LRRC49: variants seen among roughly 807,000 people sequenced by gnomAD.
LRRC49 encodes leucine-rich repeat-containing protein 49.
Under a neutral mutation model 83.3 loss-of-function variants are expected in LRRC49, and 50 were observed. The observed-to-expected ratio is 0.60, with a 90% CI of 0.48 to 0.76. The LOEUF (loss-of-function observed/expected upper bound fraction) is 0.76, where lower values mean the gene tolerates loss of function less well. Ranked by LOEUF, LRRC49 falls within the 30% of genes least tolerant of loss-of-function variation. The pLI, the probability that LRRC49 is intolerant of heterozygous loss-of-function variation, is 0.00. For synonymous variants in LRRC49, 286 were observed against 283.3 expected (o/e 1.01, Z -0.10); for missense variants, 704 against 809.1 (o/e 0.87, Z 1.58).
chr15:70,892,744 G>C (rs2033635955), upstream of LRRC49: 1 of 1,533,242 alleles, frequency 6.5e-7, no homozygotes, highest in Admixed American at 2.0e-5. Context: ...TGGCTCTATC[G>C]ATTCGGGAGA....
At chr15:71,001,547 G>T (rs888700185) in intron 11 of LRRC49, among the ~76,000 whole-genome samples, 1 of 152,040 alleles carries the variant, frequency 6.6e-6, no homozygotes, top group Non-Finnish European at 1.5e-5. Context: ...CTAGCTTCCA[G>T]AAATTTTCTG....
At chr15:70,899,834 ATTATAC>A (rs1174444230) in intron 3 of LRRC49, among the ~76,000 whole-genome samples, 1 of 152,146 alleles carries the variant, frequency 6.6e-6, no homozygotes, top group Non-Finnish European at 1.5e-5. Flanking sequence ...CTGTTTTACT[ATTATAC>A]TTAGTGCTCC....
intron 2 of LRRC49, among the ~76,000 whole-genome samples, chr15:70,886,793 G>A (rs1812420): frequency 0.011 from 1,602 of 152,188 alleles, 10 homozygotes; most frequent in Non-Finnish European, 0.017. Context: ...TTGAACCCGG[G>A]TGGCAGAGGT....
In LRRC49 at chr15:71,027,319, A is replaced by G. The variant is rs555538055; in HGVS notation, c.1704-9860A>G. On this transcript the variant is annotated intron_variant, in intron 14 of 15. Transcript: ENST00000260382. ...TGGTCTATATGTCTGTTTTGGTACC[A>G]GTACCATGTTGTTTTGGTTACTGTA... 2.6e-5 allele frequency among the ~76,000 whole-genome samples: 4 copies of G among 152,308 alleles called. No individual in the cohort carries two copies. The East Asian group carries it at 7.7e-4, about 29-fold the overall frequency.
At position 70,892,931 on chromosome 15, in the gene LRRC49, G is replaced by A. The variant is rs754742115; in HGVS notation, c.37G>A (p.Ala13Thr). 8.1e-6 allele frequency: 13 copies of A among 1,614,096 alleles called. 1 individual carries two copies. The highest frequency in any genetic ancestry group is 1.1e-5 in the Non-Finnish European group (13 of 1,180,050). ...PGKYRSVSGR[A>T]ANNVNCGLHL... ...GAAATATCGCTCTGTTTCTGGCCGG[G>A]CTGCGAACAACGTAAGTTGGGCCTT... The change falls in exon 1 of 16, where the codon GCT becomes ACT. Residue 13 changes from alanine to threonine, a missense_variant. Around this residue, in one of 3 missense-constraint regions of LRRC49, gnomAD observed 261 missense variants for 330.5 expected, o/e 0.79. Transcript: ENST00000260382.
At chr15:70,895,792 C>A in intron 2 of LRRC49, 57 bp from the exon 3 acceptor site, 1 of 1,013,160 alleles carries the variant, frequency 9.9e-7, no homozygotes. Flanking sequence ...AATTTATCTT[C>A]ACTGCTTGGT....
upstream of LRRC49, chr15:70,892,385 G>A (rs1244218148): frequency 6.5e-7 from 1 of 1,544,992 alleles, no homozygotes; most frequent in South Asian, 1.2e-5. Context: ...GTCCACTCCG[G>A]GTCGGGATTG....
At chr15:70,938,777 G>C (rs1045189268) in intron 8 of LRRC49, among the ~76,000 whole-genome samples, 1 of 152,114 alleles carries the variant, frequency 6.6e-6, no homozygotes, top group African/African-American at 2.4e-5. Flanking sequence ...CTCTAATTCA[G>C]TAGTTTTAGG....
exon 1 of LRRC49, chr15:70,853,411 C>G (rs1441593118): frequency 6.5e-6 from 1 of 152,938 alleles, no homozygotes; most frequent in African/African-American, 2.4e-5. Context: ...CTGCTACCAC[C>G]TAAAGACTGA....
chr15:70,960,746 A>G (rs1301003574), intron 8 of LRRC49, among the ~76,000 whole-genome samples: 2 of 152,092 alleles, frequency 1.3e-5, no homozygotes, highest in African/African-American at 4.8e-5. Context: ...AAAAAGGAAT[A>G]TAGACATGGG....
intron 10 of LRRC49, among the ~76,000 whole-genome samples, chr15:70,982,584 C>A (rs145282666): frequency 1.3e-5 from 2 of 152,004 alleles, no homozygotes; most frequent in Admixed American, 1.3e-4. Flanking sequence ...TTTTGAAACA[C>A]CAAACAACAG....
At chr15:70,901,969 A>C (rs2034099611) in intron 4 of LRRC49, among the ~76,000 whole-genome samples, 1 of 152,184 alleles carries the variant, frequency 6.6e-6, no homozygotes, top group Non-Finnish European at 1.5e-5. Flanking sequence ...GCATACCTTT[A>C]GCTTAGCAGT....
At chr15:71,020,664 A>T (rs1385218937) in intron 14 of LRRC49, among the ~76,000 whole-genome samples, 1 of 152,192 alleles carries the variant, frequency 6.6e-6, no homozygotes, top group Non-Finnish European at 1.5e-5. Context: ...ATAATGAATG[A>T]TATGTTCAAT....
intron 15 of LRRC49, among the ~76,000 whole-genome samples, chr15:71,044,119 C>T (rs559530525): frequency 2.4e-4 from 36 of 152,190 alleles, no homozygotes; most frequent in African/African-American, 8.4e-4. Context: ...TTACTGAGTG[C>T]GAAAAGGGAG....
chr15:70,888,055 G>C (rs971671805), upstream of LRRC49, among the ~76,000 whole-genome samples: 4 of 152,066 alleles, frequency 2.6e-5, no homozygotes, highest in African/African-American at 9.7e-5. Context: ...CAAATAAATG[G>C]AGATATATGT....
In LRRC49 at chr15:70,862,577, C is replaced by CAAA. The variant is rs10623501; in HGVS notation, c.-299+9130_-299+9132dup. The stretch of plus-strand genomic sequence containing the variant: ...TGGGCGACAGAGCAAGACTCCGTCT[C>CAAA]AAAAAAAAAAAAAAAAAAAAAAAAT... On this transcript the variant is annotated intron_variant, in intron 1 of 16. Transcript: ENST00000544974. 9.0e-3 allele frequency among the ~76,000 whole-genome samples: 551 copies of CAAA among 61,250 alleles called. 11 individuals carry two copies. Among genetic ancestry groups the CAAA allele is most frequent in the South Asian group, 0.029 (38 of 1,308 alleles). 40.2% of individuals were successfully genotyped at this position (61,250 alleles called of 152,430 possible). A position where few individuals can be genotyped will look rare whatever the true frequency, so the allele number is the denominator to read the frequency against.
At chr15:71,017,143 A>G (rs1037974476) in intron 14 of LRRC49, among the ~76,000 whole-genome samples, 1 of 152,108 alleles carries the variant, frequency 6.6e-6, no homozygotes, top group Admixed American at 6.6e-5. Flanking sequence ...TACAATTAGG[A>G]ACAAAAAGGA....
intron 8 of LRRC49, among the ~76,000 whole-genome samples, chr15:70,959,468 G>A (rs2141191630): frequency 6.8e-6 from 1 of 147,670 alleles, no homozygotes; most frequent in East Asian, 2.1e-4. Context: ...TCCAGTCTGG[G>A]CAACTAGAGC....
chr15:70,945,195 T>C (rs2035965164), intron 8 of LRRC49, among the ~76,000 whole-genome samples: 1 of 152,210 alleles, frequency 6.6e-6, no homozygotes, highest in Non-Finnish European at 1.5e-5. Context: ...CTCTGTTCTG[T>C]CTCTAGCTCC....
Sources: gnomAD v4.1 joint callset for allele counts (sites outside exome capture counted in the v4.1 genomes callset) on GRCh38, gnomAD v4.1.1 for gene constraint, gnomAD v4.1.1 regional missense constraint, MANE v1.5 for transcripts, NCBI Gene and HGNC (gene_info 2026-07-23, HGNC 2026-07-21) for gene names.